ADAM32: variants seen among roughly 807,000 people sequenced by gnomAD.
ADAM32 encodes disintegrin and metalloproteinase domain-containing protein 32.
Under a neutral mutation model 114.9 loss-of-function variants are expected in ADAM32, and 89 were observed. The observed-to-expected ratio is 0.77, with a 90% CI of 0.65 to 0.92. ADAM32 has a LOEUF of 0.92. Among genes scored for constraint, ADAM32 ranks in the 40% least tolerant of loss-of-function variants. The pLI, the probability that ADAM32 is intolerant of heterozygous loss-of-function variation, is 0.00. For synonymous variants in ADAM32, 285 were observed against 307.5 expected, an observed-to-expected ratio of 0.93 and a Z score of 0.77; for missense variants, 870 against 932.8, an observed-to-expected ratio of 0.93 and a Z score of 0.88.
chr8:39,271,403 C>T (rs921049820), intron 20 of ADAM32, among the ~76,000 whole-genome samples: 8 of 150,728 alleles, frequency 5.3e-5, no homozygotes, highest in African/African-American at 1.7e-4. Context: ...AGCAAACCTA[C>T]TGCACAAAGC....
At chr8:39,208,723 C>T (rs1808015047) in intron 11 of ADAM32, among the ~76,000 whole-genome samples, 1 of 152,136 alleles carries the variant, frequency 6.6e-6, no homozygotes, top group Admixed American at 6.6e-5. Flanking sequence ...CCAGTCCTTC[C>T]TGGTCTTTAA....
chr8:39,236,465 G>A (rs1810152832), intron 16 of ADAM32, among the ~76,000 whole-genome samples: 1 of 151,816 alleles, frequency 6.6e-6, no homozygotes, highest in Non-Finnish European at 1.5e-5. Context: ...TTTCTGCCCT[G>A]AATCATTAAA....
chr8:39,114,911 C>T (rs1840314347), intron 1 of ADAM32, among the ~76,000 whole-genome samples: 1 of 152,186 alleles, frequency 6.6e-6, no homozygotes, highest in Non-Finnish European at 1.5e-5. Context: ...TATTGTGCCC[C>T]TCTTTGCATC....
chr8:39,181,350 CTG>C (rs1805877732), intron 10 of ADAM32, among the ~76,000 whole-genome samples: 1 of 152,208 alleles, frequency 6.6e-6, no homozygotes, highest in Non-Finnish European at 1.5e-5. Flanking sequence ...CTGCGAACGT[CTG>C]CAGCTTCACT....
chr8:39,127,261 T>G (rs1009949621), intron 2 of ADAM32, among the ~76,000 whole-genome samples: 2 of 152,172 alleles, frequency 1.3e-5, no homozygotes, highest in African/African-American at 4.8e-5. Context: ...CTTTTCTTTG[T>G]CTTCTTTTTA....
chr8:39,239,484 C>T (rs1294254843), intron 16 of ADAM32, among the ~76,000 whole-genome samples: 5 of 152,136 alleles, frequency 3.3e-5, no homozygotes, highest in Non-Finnish European at 5.9e-5. Flanking sequence ...GCATAAATTT[C>T]ACAGGGTCTC....
chr8:39,191,330 C>T (rs559800043), intron 11 of ADAM32, among the ~76,000 whole-genome samples: 14 of 152,244 alleles, frequency 9.2e-5, no homozygotes, highest in African/African-American at 2.4e-4. Context: ...AATCAACACA[C>T]GTTTTCTACA....
In ADAM32 at chr8:39,131,279, G is replaced by T. The variant is rs568207287; in HGVS notation, c.139-5378G>T. 2.6e-5 allele frequency among the ~76,000 whole-genome samples: 4 copies of T among 152,158 alleles called. No individual in the cohort carries two copies. The South Asian group carries it at 8.3e-4, about 32-fold the overall frequency. On this transcript the variant is annotated intron_variant, in intron 2 of 24. Transcript: ENST00000379907. Reference sequence around the variant, plus strand: ...CCAGGAGGATCTCTTGAGGCCAGGAGTTTGAGACCAGCCTGGGCAACATAG... The same window carrying T: ...CCAGGAGGATCTCTTGAGGCCAGGATTTTGAGACCAGCCTGGGCAACATAG...
intron 3 of ADAM32, among the ~76,000 whole-genome samples, chr8:39,144,328 A>G (rs1803364576): frequency 6.6e-6 from 1 of 152,082 alleles, no homozygotes; most frequent in Admixed American, 6.5e-5. Context: ...GCTGCAGACC[A>G]GAGCTGTTCC....
intron 11 of ADAM32, among the ~76,000 whole-genome samples, chr8:39,198,800 C>A (rs1341381996): frequency 2.0e-5 from 3 of 151,920 alleles, no homozygotes; most frequent in African/African-American, 7.3e-5. Flanking sequence ...TCTATTCCAC[C>A]AGTGAGTTGT....
chr8:39,205,441 A>G (rs888916262), intron 11 of ADAM32, among the ~76,000 whole-genome samples: 1 of 152,164 alleles, frequency 6.6e-6, no homozygotes, highest in East Asian at 1.9e-4. Context: ...GTGGGATATA[A>G]TCTCCTGCCG....
At chr8:39,132,914 C>A (rs913059928) in intron 2 of ADAM32, among the ~76,000 whole-genome samples, 6 of 152,112 alleles carry the variant, frequency 3.9e-5, no homozygotes, top group African/African-American at 1.4e-4. Context: ...TGACTTTCAA[C>A]ATATTAAATA....
chr8:39,199,288 T>A lies in ADAM32; in HGVS notation c.1053-11856T>A, dbSNP rs144933812. Among the ~76,000 whole-genome samples, 12 of 152,328 alleles carry A rather than the reference T, an allele frequency of 7.9e-5. No homozygotes were observed. In the East Asian group the frequency reaches 2.3e-3, roughly 29 times the overall value. On this transcript the variant is annotated intron_variant, in intron 11 of 24. Transcript: ENST00000379907. Reference sequence around the variant, plus strand: ...TTTGGAGAGTTTCAGCTATTATTCCTTACATAAGTCATCTATGCCTTTACG... The same window carrying A: ...TTTGGAGAGTTTCAGCTATTATTCCATACATAAGTCATCTATGCCTTTACG...
At chr8:39,206,006 T>G (rs1033317152) in intron 11 of ADAM32, among the ~76,000 whole-genome samples, 18 of 152,262 alleles carry the variant, frequency 1.2e-4, no homozygotes, top group African/African-American at 4.3e-4. Flanking sequence ...ATCAGTTGCT[T>G]CTTACAATTT....
At position 39,156,474 on chromosome 8, in the gene ADAM32, ATTT is replaced by A. The variant is rs548145231; in HGVS notation, c.526-4422_526-4420del. On this transcript the variant is annotated intron_variant, in intron 6 of 24. Coordinates refer to ENST00000379907, the MANE Select transcript of ADAM32 (RefSeq NM_145004.7). ...TAATATCTTCTATAGTTACCAATGT[ATTT>A]ACCTTTACTGTGTTTTTAATTTCTT... is the stretch of plus-strand genomic sequence containing the variant. Among the ~76,000 whole-genome samples, 296 of 152,192 alleles carry A rather than the reference ATTT, an allele frequency of 1.9e-3. 3 individuals are homozygous for A. Among genetic ancestry groups the A allele is most frequent in the Admixed American group, 3.9e-3 (60 of 15,286 alleles).
chr8:39,178,016 G>GT (rs1805631582), intron 10 of ADAM32, among the ~76,000 whole-genome samples: 1 of 151,952 alleles, frequency 6.6e-6, no homozygotes, highest in Non-Finnish European at 1.5e-5. Flanking sequence ...TTCTCATGGA[G>GT]TATCTTACTG....
At chr8:39,209,602 T>A (rs934929786) in intron 11 of ADAM32, among the ~76,000 whole-genome samples, 7 of 152,244 alleles carry the variant, frequency 4.6e-5, no homozygotes, top group Non-Finnish European at 8.8e-5. Flanking sequence ...TTGTTTGTAT[T>A]GGTCCTTCTT....
At chr8:39,167,206 G>T (rs1302861596) in intron 9 of ADAM32, 2 of 152,174 alleles carry the variant, frequency 1.3e-5, no homozygotes, top group African/African-American at 2.4e-5. Context: ...AATCCATCTT[G>T]AGTTGATTTT....
intron 23 of ADAM32, among the ~76,000 whole-genome samples, chr8:39,281,619 AAC>A (rs1813423199): frequency 6.6e-6 from 1 of 152,184 alleles, no homozygotes; most frequent in South Asian, 2.1e-4. Context: ...CAGTATTATA[AAC>A]ACACTAAAAT....
Sources: gnomAD v4.1 joint callset for allele counts (sites outside exome capture counted in the v4.1 genomes callset) on GRCh38, gnomAD v4.1.1 for gene constraint, MANE v1.5 for transcripts, NCBI Gene and HGNC (gene_info 2026-07-23, HGNC 2026-07-21) for gene names.